Variants in ZC4H2 observed in about 807,000 individuals in gnomAD.
The protein encoded by ZC4H2 is zinc finger C4H2-type containing.
For synonymous variants in ZC4H2, 84 were observed against 66.3 expected (o/e 1.27, Z -1.30); for missense variants, 137 against 173.9 (o/e 0.79, Z 1.19).
At chrX:64,958,467 T>C (rs1322652854) in intron 1 of ZC4H2, among the ~76,000 whole-genome samples, 1 of 111,935 alleles carries the variant, frequency 8.9e-6, no homozygotes, top group African/African-American at 3.3e-5. Flanking sequence ...TTCCAAAATA[T>C]GGTTTTCACA....
intron 1 of ZC4H2, among the ~76,000 whole-genome samples, chrX:64,932,450 T>A (rs1434865655): frequency 9.0e-6 from 1 of 111,730 alleles, no homozygotes; most frequent in Non-Finnish European, 1.9e-5. Flanking sequence ...GTTACTGTTT[T>A]ATAGGCCCTG....
chrX:64,967,778 A>G (rs1931641409), intron 1 of ZC4H2, among the ~76,000 whole-genome samples: 1 of 112,366 alleles, frequency 8.9e-6, no homozygotes, highest in Non-Finnish European at 1.9e-5. Context: ...TGGGTCCTCT[A>G]AAAAGTACAG....
intron 1 of ZC4H2, among the ~76,000 whole-genome samples, chrX:65,031,050 T>A (rs1329010064): frequency 1.8e-5 from 2 of 111,543 alleles, no homozygotes; most frequent in African/African-American, 3.3e-5. Context: ...AACTCCATAA[T>A]AATAATCCTC....
At position 64,953,760 on chromosome X, in the gene ZC4H2, C is replaced by T. The variant is rs78733431; in HGVS notation, c.53+22565G>A. ...TCAACCATTGCAGAAGTCAGTGTGG[C>T]GATTCCTCAGGGATCTAGAACTAGA... On this transcript the variant is annotated intron_variant, in intron 1 of 4. Transcript: ENST00000374839. Among the ~76,000 whole-genome samples, 150 of 111,565 alleles carry T rather than the reference C, an allele frequency of 1.3e-3. 1 individual carries two copies. Among genetic ancestry groups the T allele is most frequent in the Middle Eastern group, 4.6e-3 (1 of 217 alleles).
At chrX:65,028,988 C>A (rs183594302) in intron 1 of ZC4H2, among the ~76,000 whole-genome samples, 1 of 110,696 alleles carries the variant, frequency 9.0e-6, no homozygotes, top group African/African-American at 3.3e-5. Context: ...GATCTCAGGA[C>A]GGTGGTCTGA....
intron 1 of ZC4H2, among the ~76,000 whole-genome samples, chrX:64,960,568 C>G (rs1295966741): frequency 1.8e-5 from 2 of 111,621 alleles, no homozygotes; most frequent in African/African-American, 6.5e-5. Flanking sequence ...GACTTCTAGA[C>G]AAAGCACTAC....
intron 1 of ZC4H2, among the ~76,000 whole-genome samples, chrX:64,952,808 G>GAA (rs759234448): frequency 9.3e-6 from 1 of 107,228 alleles, no homozygotes; most frequent in Non-Finnish European, 1.9e-5. Flanking sequence ...CACAGAATTG[G>GAA]AAAAAAAAAC....
chrX:64,983,370 T>G (rs917140084), intron 1 of ZC4H2, among the ~76,000 whole-genome samples: 9 of 111,936 alleles, frequency 8.0e-5, no homozygotes, highest in African/African-American at 2.6e-4. Flanking sequence ...ATAAACTTTC[T>G]TGTTACCTCC....
chrX:64,947,672 C>T (rs1930600138), intron 1 of ZC4H2, among the ~76,000 whole-genome samples: 1 of 111,704 alleles, frequency 9.0e-6, no homozygotes, highest in Non-Finnish European at 1.9e-5. Context: ...AGACTGAAAA[C>T]CTAATTTAGG....
chrX:65,013,880 T>C (rs1932780512), intron 1 of ZC4H2, among the ~76,000 whole-genome samples: 2 of 111,310 alleles, frequency 1.8e-5, no homozygotes, highest in South Asian at 7.5e-4. Context: ...AGAAAAGAAA[T>C]GATGGACAAC....
At chrX:64,959,585 C>T in intron 1 of ZC4H2, among the ~76,000 whole-genome samples, 1 of 108,475 alleles carries the variant, frequency 9.2e-6, no homozygotes, top group Non-Finnish European at 1.9e-5. Context: ...AGTTCTTCTT[C>T]ATACAAAATA....
chrX:64,966,837 T>C (rs1410573892), intron 1 of ZC4H2, among the ~76,000 whole-genome samples: 4 of 112,003 alleles, frequency 3.6e-5, no homozygotes, highest in South Asian at 3.7e-4. Flanking sequence ...GAGCTAATTT[T>C]GGAATGATGG....
At chrX:65,005,745 A>G (rs758020741) in intron 1 of ZC4H2, among the ~76,000 whole-genome samples, 1 of 111,631 alleles carries the variant, frequency 9.0e-6, no homozygotes, top group East Asian at 2.8e-4. Flanking sequence ...TGCACAGCAA[A>G]GGGAACTATC....
At chrX:65,026,378 T>TTTAATATGGGAGAGTTTAAAA (rs1932878712) in intron 1 of ZC4H2, among the ~76,000 whole-genome samples, 1 of 111,699 alleles carries the variant, frequency 9.0e-6, no homozygotes, top group Non-Finnish European at 1.9e-5. Context: ...GAGCAGAATG[T>TTTAATATGGGAGAGTTTAAAA]TTGTACAGCT....
chrX:65,007,543 C>A, intron 1 of ZC4H2, among the ~76,000 whole-genome samples: 1 of 111,694 alleles, frequency 9.0e-6, no homozygotes, highest in East Asian at 2.8e-4. Context: ...ATATCTGGCT[C>A]TGAAGAGGGG....
At chrX:64,949,441 A>T (rs986817756) in intron 1 of ZC4H2, among the ~76,000 whole-genome samples, 1 of 111,488 alleles carries the variant, frequency 9.0e-6, no homozygotes, top group Non-Finnish European at 1.9e-5. Context: ...AAACTTTACC[A>T]TATTTGATGG....
chrX:64,940,388 G>A (rs1930222375), intron 1 of ZC4H2, among the ~76,000 whole-genome samples: 1 of 111,511 alleles, frequency 9.0e-6, no homozygotes, highest in Admixed American at 9.5e-5. Flanking sequence ...TTCTTTTGCT[G>A]TGCAGAAGCT....
chrX:64,922,907 G>T (rs1365251838), intron 1 of ZC4H2, among the ~76,000 whole-genome samples: 1 of 111,951 alleles, frequency 8.9e-6, no homozygotes, highest in Middle Eastern at 4.2e-3. Context: ...ACTCTAGAGG[G>T]TGTGTTTATC....
At chrX:64,926,772 AT>A (rs781743755) in intron 1 of ZC4H2, among the ~76,000 whole-genome samples, 1 of 111,567 alleles carries the variant, frequency 9.0e-6, no homozygotes, top group South Asian at 3.7e-4. Flanking sequence ...TTGTACATGG[AT>A]TTTTTTCAAC....
Sources: gnomAD v4.1 joint callset for allele counts (sites outside exome capture counted in the v4.1 genomes callset) on GRCh38, gnomAD v4.1.1 for gene constraint, MANE v1.5 for transcripts, NCBI Gene and HGNC (gene_info 2026-07-23, HGNC 2026-07-21) for gene names.